The following TBC1D9B variants were observed in gnomAD, a reference collection of about 807,000 sequenced individuals.
TBC1D9B encodes the protein TBC1 domain family member 9B, also known as TBC1 domain family, member 9B (with GRAM domain).
A neutral mutation model predicts 121.1 loss-of-function variants in TBC1D9B; 87 were observed. The ratio of observed to expected loss-of-function variants is 0.72; its 90% CI spans 0.60 to 0.86. The LOEUF (loss-of-function observed/expected upper bound fraction) is 0.86, where lower values mean the gene tolerates loss of function less well. TBC1D9B is among the 40% of genes least tolerant of loss of function. The pLI is 0.00. For missense variants in TBC1D9B, 1,540 were observed against 1,628.6 expected (o/e 0.95, Z 0.94); for synonymous variants, 668 against 670.1 (o/e 1.00, Z 0.05).
chr5:179,874,827 T>G lies in TBC1D9B; in HGVS notation c.2186+75A>C. 6.4e-7 allele frequency: 1 copy of G among 1,558,430 alleles called. No homozygotes were observed. Among genetic ancestry groups the G allele is most frequent in the Non-Finnish European group, 8.7e-7 (1 of 1,155,404 alleles). On this transcript the variant is annotated intron_variant, in intron 12 of 20. Coordinates refer to ENST00000355235, the MANE Select transcript of TBC1D9B (RefSeq NM_015043.4). This position sits in a 1 kb window ranked among gnomAD's most constrained non-coding sequence, Gnocchi z 4.3. ...CTTGGTGGGCACAGTCACTTCAGGC[T>G]GACTGGACAGTGCCCGGGGCTGGTG...
Position 179,862,661 on chromosome 5 carries a change from C to A in TBC1D9B, c.*787G>T, listed in dbSNP as rs1759879071. The A allele has an allele frequency of 2.3e-6, 1 of 443,922 alleles. No homozygotes were observed. The highest frequency in any genetic ancestry group is 4.6e-6 in the Non-Finnish European group (1 of 216,222). The allele number at this position is 443,922 out of a possible 1,614,324, so 27.5% of individuals were successfully genotyped here. A position where few individuals can be genotyped will look rare whatever the true frequency, so the allele number is the denominator to read the frequency against. The stretch of plus-strand genomic sequence containing the variant: ...TTGAACTTCCAGAACACAGCCAGGG[C>A]CCCATACTTGGCCTGGGGAGAAGTT... On this transcript the variant is annotated 3_prime_UTR_variant, in exon 21 of 21. Coordinates refer to ENST00000355235, the MANE Select transcript of TBC1D9B (RefSeq NM_015043.4).
rs370588084 is a variant in TBC1D9B at position 179,867,756 on chromosome 5, G to A, written c.2863+22C>T. 8.1e-5 allele frequency: 130 copies of A among 1,595,716 alleles called. No homozygotes were observed. The African/African-American group carries it at 1.4e-3, about 17-fold the overall frequency. The stretch of plus-strand genomic sequence containing the variant: ...CTGCAGAGTGCTGGCTGGGCATGTC[G>A]GGTGTTCCAGTGGCCGCTCACCTTC... On this transcript the variant is annotated intron_variant, in intron 18 of 20. Coordinates refer to ENST00000355235, the MANE Select transcript of TBC1D9B (RefSeq NM_015043.4).
In TBC1D9B at chr5:179,870,582, C is replaced by T. The variant is rs910693629; in HGVS notation, c.2485-87G>A. Reference sequence around the variant, plus strand: ...AGGCTGGTGGTGTGTCCACCCTCCCCCTCTGTCCAAGCCTGCGGAGCCCTG... The same window carrying T: ...AGGCTGGTGGTGTGTCCACCCTCCCTCTCTGTCCAAGCCTGCGGAGCCCTG... On this transcript the variant is annotated intron_variant, in intron 15 of 20. Coordinates refer to ENST00000355235, the MANE Select transcript of TBC1D9B (RefSeq NM_015043.4). 8.1e-6 allele frequency: 12 copies of T among 1,486,602 alleles called. No homozygotes were observed. In the South Asian group the frequency reaches 1.3e-4, roughly 16 times the overall value. 92.1% of individuals were successfully genotyped at this position (1,486,602 alleles called of 1,614,324 possible).
chr5:179,878,917 G>A lies in TBC1D9B; in HGVS notation c.1567+130C>T, dbSNP rs548585783. Reference sequence around the variant, plus strand: ...GCCCAGAGCCCAGAGCCCGGCTCCCGGCTGTGTGAAAGAGCTGGGAGCTCC... The same window carrying A: ...GCCCAGAGCCCAGAGCCCGGCTCCCAGCTGTGTGAAAGAGCTGGGAGCTCC... On this transcript the variant is annotated intron_variant, in intron 9 of 20. Coordinates refer to ENST00000355235, the MANE Select transcript of TBC1D9B (RefSeq NM_015043.4). 59 of 1,306,308 alleles carry A rather than the reference G, an allele frequency of 4.5e-5. No homozygotes were observed. In the South Asian group the frequency reaches 6.7e-4, roughly 15 times the overall value. 80.9% of individuals were successfully genotyped at this position (1,306,308 alleles called of 1,614,324 possible).
chr5:179,876,152 TTG>T, intron 10 of TBC1D9B, 115 bp from the exon 11 acceptor site: 1 of 718,906 alleles, frequency 1.4e-6, no homozygotes, highest in Non-Finnish European at 2.2e-6. Flanking sequence ...GATCTTCTTT[TTG>T]TTGTTGTTAT....
intron 10 of TBC1D9B, among the ~76,000 whole-genome samples, chr5:179,876,424 G>A (rs1010974852): frequency 1.3e-5 from 2 of 152,178 alleles, no homozygotes; most frequent in African/African-American, 4.8e-5. Context: ...GGGTGTTGGA[G>A]GTGGGATTAT....
At chr5:179,881,118 C>T (rs372591433) in intron 7 of TBC1D9B, among the ~76,000 whole-genome samples, 1 of 152,184 alleles carries the variant, frequency 6.6e-6, no homozygotes, top group Non-Finnish European at 1.5e-5. Context: ...CCTGGCGAGG[C>T]GGCAAGCGTG....
intron 3 of TBC1D9B, among the ~76,000 whole-genome samples, chr5:179,897,343 C>T (rs1170700183): frequency 2.0e-5 from 3 of 148,300 alleles, no homozygotes; most frequent in Admixed American, 6.8e-5. Flanking sequence ...GATGGAGTCT[C>T]GCTCTGTTGC....
At chr5:179,873,038 G>A in intron 13 of TBC1D9B, 48 bp from the exon 14 acceptor site, 1 of 1,613,546 alleles carries the variant, frequency 6.2e-7, no homozygotes, top group Non-Finnish European at 8.5e-7. Context: ...GCAGGGCAGA[G>A]GGCCACCACC....
chr5:179,875,282 G>A lies in TBC1D9B; in HGVS notation c.1901-95C>T. On this transcript the variant is annotated intron_variant, in intron 11 of 20. Coordinates refer to ENST00000355235, the MANE Select transcript of TBC1D9B (RefSeq NM_015043.4). The surrounding 1 kb of genome is among the most constrained non-coding windows in gnomAD (Gnocchi z 4.5). ...TACGAGCCCTGGCCACTCCAGCCCT[G>A]CCAGCTGTGCAGTGAGGGCTGAGGG... 3 of 1,457,004 alleles carry A rather than the reference G, an allele frequency of 2.1e-6. No homozygotes were observed. The South Asian group carries it at 4.0e-5, about 20-fold the overall frequency. The allele number at this position is 1,457,004 out of a possible 1,614,324, so 90.3% of individuals were successfully genotyped here.
chr5:179,864,833 T>C (rs1759960173), intron 20 of TBC1D9B, among the ~76,000 whole-genome samples: 1 of 152,222 alleles, frequency 6.6e-6, no homozygotes, highest in African/African-American at 2.4e-5. Context: ...AGCTGGGGTC[T>C]CCCATTTTCT....
At chr5:179,896,716 GT>G (rs1337440811) in intron 3 of TBC1D9B, among the ~76,000 whole-genome samples, 1 of 152,034 alleles carries the variant, frequency 6.6e-6, no homozygotes, top group Non-Finnish European at 1.5e-5. Context: ...TAGAGACAAG[GT>G]TTTGCCATGT....
At chr5:179,869,669 C>A (rs1233558148) in intron 17 of TBC1D9B, 100 bp downstream of exon 17, 5 of 1,315,298 alleles carry the variant, frequency 3.8e-6, no homozygotes, top group Non-Finnish European at 5.4e-6. Flanking sequence ...CGCTGCTGTG[C>A]CCCCTCGAGG....
In TBC1D9B at chr5:179,875,782, C is replaced by A; in HGVS notation, c.1900+138G>T. On this transcript the variant is annotated intron_variant, in intron 11 of 20. Transcript: ENST00000355235. This position sits in a 1 kb window ranked among gnomAD's most constrained non-coding sequence, Gnocchi z 4.5. ...AGGCTCTGAGGGGACTTTTATAAAC[C>A]ACCGAATGTGTAATACTACCCTCTA... The A allele has an allele frequency of 1.7e-6, 1 of 599,532 alleles. No homozygotes were observed. Among genetic ancestry groups the A allele is most frequent in the Non-Finnish European group, 2.8e-6 (1 of 358,516 alleles). The allele number at this position is 599,532 out of a possible 1,614,324, so 37.1% of individuals were successfully genotyped here.
At chr5:179,879,894 G>A in intron 7 of TBC1D9B, 105 bp from the exon 8 acceptor site, 2 of 1,330,274 alleles carry the variant, frequency 1.5e-6, no homozygotes, top group South Asian at 3.0e-5. Context: ...TGCAAGAAGG[G>A]CCATGGGGGC....
In TBC1D9B at chr5:179,907,851, C is replaced by T. The variant is rs1184834135; in HGVS notation, c.-30G>A. ...GAGCCGCTCGCACCGGGCCGAGGCCCGCGAGACGGAAGCGCCCGCCGCCGT... is the reference window on the plus strand; with the variant it reads ...GAGCCGCTCGCACCGGGCCGAGGCCTGCGAGACGGAAGCGCCCGCCGCCGT... On this transcript the variant is annotated 5_prime_UTR_variant, in exon 1 of 21. Transcript: ENST00000355235. The surrounding 1 kb of genome is among the most constrained non-coding windows in gnomAD (Gnocchi z 5.3). The T allele has an allele frequency of 4.7e-6, 5 of 1,065,594 alleles. No individual in the cohort carries two copies. The highest frequency in any genetic ancestry group is 4.6e-6 in the Non-Finnish European group (4 of 874,540). 66.0% of individuals were successfully genotyped at this position (1,065,594 alleles called of 1,614,324 possible).
At chr5:179,879,349 G>A (rs1443276395) in intron 8 of TBC1D9B, 152 bp from the exon 9 acceptor site, 42 of 1,261,990 alleles carry the variant, frequency 3.3e-5, no homozygotes, top group Non-Finnish European at 4.5e-5. Context: ...AGGCCGCGCT[G>A]AGCCACACCT....
At position 179,875,837 on chromosome 5, in the gene TBC1D9B, G is replaced by A; in HGVS notation, c.1900+83C>T. The A allele has an allele frequency of 8.8e-7, 1 of 1,141,128 alleles. No homozygotes were observed. The highest frequency in any genetic ancestry group is 1.2e-6 in the Non-Finnish European group (1 of 820,424). 70.7% of individuals were successfully genotyped at this position (1,141,128 alleles called of 1,614,324 possible). On this transcript the variant is annotated intron_variant, in intron 11 of 20. Coordinates refer to ENST00000355235, the MANE Select transcript of TBC1D9B (RefSeq NM_015043.4). This position sits in a 1 kb window ranked among gnomAD's most constrained non-coding sequence, Gnocchi z 4.5. The stretch of plus-strand genomic sequence containing the variant: ...CTAGGGAACCCACGTGAAGCCTGGA[G>A]CTTGGCCTGGGAAGGGCTGCCACCC...
Position 179,865,292 on chromosome 5 carries a change from G to C in TBC1D9B, c.2983C>G (p.Gln995Glu). 1 of 1,614,164 alleles carries C rather than the reference G, an allele frequency of 6.2e-7. No individual in the cohort carries two copies. The highest frequency in any genetic ancestry group is 8.5e-7 in the Non-Finnish European group (1 of 1,180,038). The change falls in exon 20 of 21, where the codon CAG becomes GAG. Residue 995 changes from glutamine to glutamate, a missense_variant. Transcript: ENST00000355235. This position sits in a 1 kb window ranked among gnomAD's most constrained non-coding sequence, Gnocchi z 5.1. ...GGAAGATCCTTAATCGTCTCCTTCT[G>C]AGCCTCTTTCTCCTTGGCCCACATT... The part of the protein sequence containing the change: ...LRMWAKEKEA[Q>E]KETIKDLPKM...
Sources: gnomAD v4.1 joint callset for allele counts (sites outside exome capture counted in the v4.1 genomes callset) on GRCh38, gnomAD v4.1.1 for gene constraint, Gnocchi (gnomAD v3.1) non-coding constraint, MANE v1.5 for transcripts, NCBI Gene and HGNC (gene_info 2026-07-23, HGNC 2026-07-21) for gene names.